Variants in ZFPM2 observed in about 807,000 individuals in gnomAD.
The protein encoded by ZFPM2 is zinc finger protein, FOG family member 2.
Under a neutral mutation model 98.6 loss-of-function variants are expected in ZFPM2, and 20 were observed. The ratio of observed to expected loss-of-function variants is 0.20; its 90% CI spans 0.14 to 0.29. ZFPM2 has a LOEUF of 0.29. Among genes scored for constraint, ZFPM2 ranks in the 10% least tolerant of loss-of-function variants. The pLI is 1.00. For synonymous variants in ZFPM2, 518 were observed against 502.7 expected (o/e 1.03, Z -0.41); for missense variants, 1,310 against 1,388.6 (o/e 0.94, Z 0.90).
chr8:105,333,474 A>G (rs999448583), intron 1 of ZFPM2, among the ~76,000 whole-genome samples: 1 of 151,780 alleles, frequency 6.6e-6, no homozygotes, highest in Non-Finnish European at 1.5e-5. Context: ...AGAGGCAAAA[A>G]TGTTCACTAG....
chr8:105,425,797 A>G (rs781024565), intron 2 of ZFPM2, among the ~76,000 whole-genome samples: 2 of 152,214 alleles, frequency 1.3e-5, no homozygotes, highest in South Asian at 4.1e-4. Flanking sequence ...CTGAATGTTA[A>G]GGTAAAGCAA....
At chr8:105,376,025 C>G (rs1476813720) in intron 1 of ZFPM2, among the ~76,000 whole-genome samples, 1 of 152,028 alleles carries the variant, frequency 6.6e-6, no homozygotes, top group Non-Finnish European at 1.5e-5. Flanking sequence ...AGTCTTGTTT[C>G]TATTCTTTCA....
intron 1 of ZFPM2, among the ~76,000 whole-genome samples, chr8:105,346,867 G>A (rs543071155): frequency 6.6e-6 from 1 of 152,256 alleles, no homozygotes; most frequent in East Asian, 1.9e-4. Flanking sequence ...TCACGTAGGT[G>A]GAGATGGCTA....
At chr8:105,337,328 A>G (rs1812347530) in intron 1 of ZFPM2, among the ~76,000 whole-genome samples, 1 of 151,832 alleles carries the variant, frequency 6.6e-6, no homozygotes, top group Admixed American at 6.6e-5. Context: ...CTGGGTTAAA[A>G]TTGATAATAG....
At chr8:105,584,576 A>G (rs1432146214) in intron 4 of ZFPM2, among the ~76,000 whole-genome samples, 1 of 152,224 alleles carries the variant, frequency 6.6e-6, no homozygotes, top group Admixed American at 6.5e-5. Context: ...TCACAGTCCA[A>G]CAAGTCATTT....
At chr8:105,717,563 A>T (rs1811554151) in intron 5 of ZFPM2, among the ~76,000 whole-genome samples, 2 of 152,042 alleles carry the variant, frequency 1.3e-5, no homozygotes, top group African/African-American at 4.8e-5. Flanking sequence ...AATACATTCT[A>T]GTCCATTGAT....
At chr8:105,682,529 T>C (rs1810631195) in intron 5 of ZFPM2, among the ~76,000 whole-genome samples, 1 of 152,172 alleles carries the variant, frequency 6.6e-6, no homozygotes, top group Non-Finnish European at 1.5e-5. Flanking sequence ...AATGGAAAAC[T>C]ATTGGAGAGT....
chr8:105,382,228 T>G (rs968697366), intron 1 of ZFPM2, among the ~76,000 whole-genome samples: 2 of 152,122 alleles, frequency 1.3e-5, no homozygotes, highest in Non-Finnish European at 2.9e-5. Flanking sequence ...TATGATTTCC[T>G]GACACCATCC....
chr8:105,686,264 C>T (rs896355001), intron 5 of ZFPM2, among the ~76,000 whole-genome samples: 2 of 152,090 alleles, frequency 1.3e-5, no homozygotes, highest in African/African-American at 4.8e-5. Flanking sequence ...CCTAGTTCAG[C>T]TTGCCAACCA....
chr8:105,757,338 T>G (rs2131065052), intron 5 of ZFPM2, among the ~76,000 whole-genome samples: 1 of 152,302 alleles, frequency 6.6e-6, no homozygotes, highest in Admixed American at 6.5e-5. Flanking sequence ...CTTTAAAAGA[T>G]ATATTTTTAA....
intron 4 of ZFPM2, among the ~76,000 whole-genome samples, chr8:105,632,856 T>G (rs1239875100): frequency 6.6e-6 from 1 of 152,220 alleles, no homozygotes; most frequent in Non-Finnish European, 1.5e-5. Context: ...TTTGTTATAC[T>G]TGATTTAGTT....
intron 5 of ZFPM2, among the ~76,000 whole-genome samples, chr8:105,682,039 A>G (rs1810618109): frequency 6.6e-6 from 1 of 152,200 alleles, no homozygotes; most frequent in African/African-American, 2.4e-5. Flanking sequence ...TAACTCAGAC[A>G]TGAGAAAAAT....
intron 4 of ZFPM2, among the ~76,000 whole-genome samples, chr8:105,572,959 G>T (rs1414966837): frequency 1.3e-5 from 2 of 152,108 alleles, no homozygotes; most frequent in African/African-American, 4.8e-5. Context: ...TTGGTCTGTG[G>T]TTTTCTTCTC....
At position 105,693,349 on chromosome 8, in the gene ZFPM2, G is replaced by C. The variant is rs532036337; in HGVS notation, c.532+58992G>C. Among the ~76,000 whole-genome samples, 22 of 152,290 alleles carry C rather than the reference G, an allele frequency of 1.4e-4. No individual in the cohort carries two copies. In the South Asian group the frequency reaches 4.4e-3, roughly 30 times the overall value. The stretch of plus-strand genomic sequence containing the variant: ...GTGCAGGCTATTCCGCAGCTTGTCG[G>C]CAACTCGCGTTGGGACTTCTGACAA... On this transcript the variant is annotated intron_variant, in intron 5 of 7. Transcript: ENST00000407775.
At position 105,785,006 on chromosome 8, in the gene ZFPM2, CT is replaced by C. The variant is rs1254542212; in HGVS notation, c.533-3710del. ...TCCCTCTAACATTTAAATATAACCT[CT>C]TGGTACATTTTAATGATCTCATCTT... is the stretch of plus-strand genomic sequence containing the variant. On this transcript the variant is annotated intron_variant, in intron 5 of 7. Coordinates refer to ENST00000407775, the MANE Select transcript of ZFPM2 (RefSeq NM_012082.4). 3.9e-5 allele frequency: 5 copies of C among 129,030 alleles called. 1 individual carries two copies. Among genetic ancestry groups the C allele is most frequent in the African/African-American group, 2.4e-4 (5 of 20,506 alleles). The allele number at this position is 129,030 out of a possible 1,614,324, so 8.0% of individuals were successfully genotyped here. A position where few individuals can be genotyped will look rare whatever the true frequency, so the allele number is the denominator to read the frequency against.
intron 3 of ZFPM2, among the ~76,000 whole-genome samples, chr8:105,560,574 G>A (rs566634289): frequency 3.0e-5 from 4 of 133,218 alleles, no homozygotes; most frequent in East Asian, 4.4e-4. Flanking sequence ...GCTATTGGCC[G>A]TTTTTTTTTT....
intron 5 of ZFPM2, among the ~76,000 whole-genome samples, chr8:105,709,534 T>C (rs1421597238): frequency 2.0e-5 from 3 of 152,056 alleles, no homozygotes; most frequent in African/African-American, 7.2e-5. Context: ...TCAACCAGAT[T>C]TTTAAAAAAA....
chr8:105,572,529 G>A (rs560969870), intron 4 of ZFPM2, among the ~76,000 whole-genome samples: 5 of 151,808 alleles, frequency 3.3e-5, no homozygotes, highest in African/African-American at 9.7e-5. Context: ...GTGCAGTGGC[G>A]TGATCTCAGT....
In ZFPM2 at chr8:105,802,415, A is replaced by G; in HGVS notation, c.2333A>G (p.Glu778Gly). Residue 778 changes from glutamate to glycine, a missense_variant, in exon 8 of 8, where the codon GAA becomes GGA. Glu to Gly is a moderately conservative substitution (Grantham distance 98). Transcript: ENST00000407775. ...NPCTSTQEPT[E>G]GLGECYHPRC... ...TGTACCTCCACTCAAGAACCCACAG[A>G]AGGGCTAGGAGAGTGCTACCACCCA... The G allele has an allele frequency of 5.0e-6, 8 of 1,613,756 alleles. No individual in the cohort carries two copies. The highest frequency in any genetic ancestry group is 6.8e-6 in the Non-Finnish European group (8 of 1,179,856).
Sources: allele counts gnomAD v4.1 joint callset (sites outside exome capture counted in the v4.1 genomes callset), GRCh38; gene constraint gnomAD v4.1.1; transcripts MANE v1.5; gene names NCBI Gene and HGNC (gene_info 2026-07-23, HGNC 2026-07-21).